HDAC9: variants seen among roughly 807,000 people sequenced by gnomAD.
The protein encoded by HDAC9 is histone deacetylase 9.
A neutral mutation model predicts 139.4 loss-of-function variants in HDAC9; 41 were observed. That is an observed-to-expected ratio of 0.29 (90% CI 0.23 to 0.38). The LOEUF is 0.38. HDAC9 is among the 10% of genes least tolerant of loss of function. The pLI, the probability that HDAC9 is intolerant of heterozygous loss-of-function variation, is 1.00. For missense variants in HDAC9, 1,147 were observed against 1,297.0 expected (o/e 0.88, Z 1.78); for synonymous variants, 517 against 476.2 (o/e 1.09, Z -1.12).
chr7:18,990,634 C>T (rs924045488), intron 25 of HDAC9, among the ~76,000 whole-genome samples: 3 of 152,246 alleles, frequency 2.0e-5, no homozygotes, highest in African/African-American at 7.2e-5. Context: ...ATGGCGGGCG[C>T]CCCTCCCCCA....
At chr7:18,733,237 A>ACG (rs1562894892) in intron 13 of HDAC9, among the ~76,000 whole-genome samples, 18 of 148,692 alleles carry the variant, frequency 1.2e-4, no homozygotes, top group African/African-American at 4.4e-4. Context: ...ACATATATAC[A>ACG]TGTGTATATA....
At chr7:18,888,913 C>T (rs889588969) in intron 22 of HDAC9, among the ~76,000 whole-genome samples, 1 of 152,086 alleles carries the variant, frequency 6.6e-6, no homozygotes, top group African/African-American at 2.4e-5. Context: ...GGTCTTTATT[C>T]CATGCTGTTT....
intron 24 of HDAC9, among the ~76,000 whole-genome samples, chr7:18,965,214 T>G (rs776554352): frequency 1.3e-5 from 2 of 152,214 alleles, no homozygotes; most frequent in African/African-American, 2.4e-5. Context: ...TTTGTCTATG[T>G]ACAGGGAGAT....
At chr7:18,222,086 T>G (rs1792744615) in intron 2 of HDAC9, among the ~76,000 whole-genome samples, 1 of 152,170 alleles carries the variant, frequency 6.6e-6, no homozygotes, top group Admixed American at 6.5e-5. Context: ...TTTCTCCTTT[T>G]AAAAACTATG....
intron 4 of HDAC9, among the ~76,000 whole-genome samples, chr7:18,590,847 A>G (rs1364321969): frequency 6.8e-6 from 1 of 146,510 alleles, no homozygotes; most frequent in East Asian, 2.0e-4. Context: ...CCAAGTAATA[A>G]TTGCTCTCTA....
chr7:18,785,488 A>C (rs1791635459), intron 16 of HDAC9, among the ~76,000 whole-genome samples: 1 of 152,078 alleles, frequency 6.6e-6, no homozygotes, highest in African/African-American at 2.4e-5. Flanking sequence ...ATTGAGATCC[A>C]CTGCTCTACC....
At chr7:18,128,550 G>C (rs1469950948) in intron 1 of HDAC9, among the ~76,000 whole-genome samples, 1 of 152,048 alleles carries the variant, frequency 6.6e-6, no homozygotes, top group Admixed American at 6.6e-5. Context: ...GGACACCTTA[G>C]GGTAGCTGAG....
intron 1 of HDAC9, among the ~76,000 whole-genome samples, chr7:18,488,723 T>C (rs1383874811): frequency 6.6e-6 from 1 of 152,040 alleles, no homozygotes; most frequent in African/African-American, 2.4e-5. Flanking sequence ...AACACATTTT[T>C]ATATTTTCTT....
chr7:18,931,839 G>A (rs1334797134), intron 22 of HDAC9, among the ~76,000 whole-genome samples: 1 of 152,090 alleles, frequency 6.6e-6, no homozygotes, highest in East Asian at 1.9e-4. Context: ...AGGAGTTGAG[G>A]GGCAGAGAGG....
chr7:18,855,465 G>T (rs1004427403), intron 21 of HDAC9, among the ~76,000 whole-genome samples: 1 of 151,836 alleles, frequency 6.6e-6, no homozygotes, highest in African/African-American at 2.4e-5. Flanking sequence ...ATCATTGCTA[G>T]AGTCTTTTGC....
At chr7:18,207,927 T>C (rs962397131) in intron 2 of HDAC9, among the ~76,000 whole-genome samples, 3 of 152,016 alleles carry the variant, frequency 2.0e-5, no homozygotes, top group African/African-American at 7.2e-5. Flanking sequence ...TTGGTCAGGC[T>C]GGTCTTGAAC....
chr7:18,183,108 C>G (rs1007931719), intron 2 of HDAC9, among the ~76,000 whole-genome samples: 7 of 151,448 alleles, frequency 4.6e-5, no homozygotes, highest in Non-Finnish European at 4.4e-5. Context: ...CTCCTGGGTT[C>G]ACGCCATTCT....
chr7:18,591,714 A>G (rs1243363179), intron 5 of HDAC9, 72 bp downstream of exon 5: 10 of 1,562,688 alleles, frequency 6.4e-6, no homozygotes, highest in Admixed American at 1.8e-5. Flanking sequence ...CGACCTGGGT[A>G]CACATCCTTA....
chr7:18,944,111 C>T (rs1399142360), intron 23 of HDAC9, among the ~76,000 whole-genome samples: 1 of 152,176 alleles, frequency 6.6e-6, no homozygotes, highest in Non-Finnish European at 1.5e-5. Context: ...TAATTGCAGA[C>T]TTCTCTAAGA....
chr7:18,284,585 G>A (rs1461430366), intron 2 of HDAC9, among the ~76,000 whole-genome samples: 2 of 152,084 alleles, frequency 1.3e-5, no homozygotes, highest in African/African-American at 4.8e-5. Context: ...TTGTGGTCAG[G>A]ATCGACTATA....
intron 2 of HDAC9, among the ~76,000 whole-genome samples, chr7:18,213,302 C>A (rs139981592): frequency 1.1e-3 from 167 of 152,202 alleles, no homozygotes; most frequent in African/African-American, 4.0e-3. Context: ...CTCCATTTTT[C>A]TCCTTACAAC....
intron 13 of HDAC9, among the ~76,000 whole-genome samples, chr7:18,740,271 T>C (rs960574529): frequency 1.3e-5 from 2 of 152,212 alleles, no homozygotes; most frequent in Non-Finnish European, 2.9e-5. Context: ...CTCCGTGGGC[T>C]GCACCCACTC....
chr7:18,998,403 T>G lies in HDAC9; in HGVS notation c.*2341T>G, dbSNP rs905969668. The stretch of plus-strand genomic sequence containing the variant: ...TTTAAAACTTGACACATTAATGAGT[T>G]AATCACACATACTCCCATATGACAC... On this transcript the variant is annotated 3_prime_UTR_variant, in exon 26 of 26. Transcript: ENST00000686413. The G allele has an allele frequency of 6.6e-6, 1 of 152,216 alleles. No homozygotes were observed. The highest frequency in any genetic ancestry group is 6.5e-5 in the Admixed American group (1 of 15,280). 9.4% of individuals were successfully genotyped at this position (152,216 alleles called of 1,614,324 possible).
At chr7:18,542,978 T>C (rs555731458) in intron 2 of HDAC9, among the ~76,000 whole-genome samples, 2 of 152,348 alleles carry the variant, frequency 1.3e-5, no homozygotes, top group Admixed American at 1.3e-4. Context: ...TATGTAGATA[T>C]CACATTTTAC....
Sources: gnomAD v4.1 joint callset for allele counts (sites outside exome capture counted in the v4.1 genomes callset) on GRCh38, gnomAD v4.1.1 for gene constraint, MANE v1.5 for transcripts, NCBI Gene and HGNC (gene_info 2026-07-23, HGNC 2026-07-21) for gene names.